Variants in AKR1B10 observed in about 807,000 individuals in gnomAD.
AKR1B10 encodes the protein ARP.
AKR1B10 carries 39 observed loss-of-function variants against 38.9 expected under a neutral mutation model. The observed-to-expected ratio is 1.00, with a 90% CI of 0.78 to 1.31. The LOEUF (loss-of-function observed/expected upper bound fraction) is 1.31. Among genes scored for constraint, AKR1B10 ranks in the 50% most tolerant of loss-of-function variants. AKR1B10 has a pLI of 0.00. For missense variants in AKR1B10, 361 were observed against 382.6 expected (o/e 0.94, Z 0.47); for synonymous variants, 148 against 141.2 (o/e 1.05, Z -0.34).
rs191221303 is a variant in AKR1B10 at position 134,529,590 on chromosome 7, G to A, written c.67-1053G>A. ...GCTTCTGGGTGCCTGGCAGCAGCTC[G>A]TTTCTTGTCCAGGTGGTAGGGTAGC... is the stretch of plus-strand genomic sequence containing the variant. On this transcript the variant is annotated intron_variant, in intron 1 of 9. Coordinates refer to ENST00000359579, the MANE Select transcript of AKR1B10 (RefSeq NM_020299.5). Among the ~76,000 whole-genome samples the A allele has an allele frequency of 8.7e-4, 133 of 152,222 alleles. 1 individual carries two copies. The highest frequency in any genetic ancestry group is 6.3e-3 in the Admixed American group (96 of 15,298).
At position 134,541,171 on chromosome 7, in the gene AKR1B10, G is replaced by C. The variant is rs1808141610; in HGVS notation, c.*82G>C. The C allele has an allele frequency of 2.7e-6, 3 of 1,100,920 alleles. No homozygotes were observed. Among genetic ancestry groups the C allele is most frequent in the Admixed American group, 2.2e-5 (1 of 44,984 alleles). The allele number at this position is 1,100,920 out of a possible 1,614,324, so 68.2% of individuals were successfully genotyped here. A position where few individuals can be genotyped will look rare whatever the true frequency, so the allele number is the denominator to read the frequency against. On this transcript the variant is annotated 3_prime_UTR_variant, in exon 10 of 10. Transcript: ENST00000359579. ...CTACCTCCACTCATGTCCCATTTTA[G>C]CCAAGCTTATTTAAGATCACAGTGA...
intron 9 of AKR1B10, among the ~76,000 whole-genome samples, chr7:134,540,694 T>A (rs3778829): frequency 3.3e-5 from 5 of 151,932 alleles, no homozygotes; most frequent in Non-Finnish European, 7.4e-5. Flanking sequence ...CATTTAATAC[T>A]CAGAACAATC....
Position 134,537,576 on chromosome 7 carries a change from C to T in AKR1B10, c.660-4C>T, listed in dbSNP as rs112796521. On this transcript the variant is annotated splice_polypyrimidine_tract_variant and splice_region_variant and intron_variant, in intron 6 of 9. Transcript: ENST00000359579. The stretch of plus-strand genomic sequence containing the variant: ...TATTCACATCAGCATCTTTCTGCCC[C>T]TAGGGCCAAGCCAGAAGACCCTTCC... 6.2e-7 allele frequency: 1 copy of T among 1,613,626 alleles called. No individual in the cohort carries two copies. Among genetic ancestry groups the T allele is most frequent in the South Asian group, 1.1e-5 (1 of 91,046 alleles).
chr7:134,531,068 C>T (rs1445830837), intron 2 of AKR1B10, among the ~76,000 whole-genome samples: 2 of 152,182 alleles, frequency 1.3e-5, no homozygotes, highest in Admixed American at 1.3e-4. Context: ...TGCCCTGGGC[C>T]TCCCTGTTCC....
At position 134,541,117 on chromosome 7, in the gene AKR1B10, G is replaced by A. The variant is rs1208487209; in HGVS notation, c.*28G>A. 5 of 1,516,730 alleles carry A rather than the reference G, an allele frequency of 3.3e-6. No homozygotes were observed. The Admixed American group carries it at 8.5e-5, about 26-fold the overall frequency. 94.0% of individuals were successfully genotyped at this position (1,516,730 alleles called of 1,614,324 possible). On this transcript the variant is annotated 3_prime_UTR_variant, in exon 10 of 10. Coordinates refer to ENST00000359579, the MANE Select transcript of AKR1B10 (RefSeq NM_020299.5). ...TTGAATCTCCTGGTGAGATTATACA[G>A]GAGATTCTCTTTCTTCGCTGAAGTG...
At chr7:134,531,094 A>G (rs2117538463) in intron 2 of AKR1B10, among the ~76,000 whole-genome samples, 1 of 152,248 alleles carries the variant, frequency 6.6e-6, no homozygotes, top group South Asian at 2.1e-4. Flanking sequence ...AGAGGGATCT[A>G]CCATCTGCCC....
rs550200808 is a variant in AKR1B10 at position 134,537,534 on chromosome 7, A to T, written c.660-46A>T. The T allele has an allele frequency of 5.7e-6, 9 of 1,591,780 alleles. No individual in the cohort carries two copies. The Admixed American group carries it at 1.0e-4, about 18-fold the overall frequency. ...TCATTGGAGTGGTGTCCTTCTGTAC[A>T]TGGTAGCCATGGTGATTATTCACAT... On this transcript the variant is annotated intron_variant, in intron 6 of 9. Transcript: ENST00000359579.
chr7:134,530,948 A>C lies in AKR1B10; in HGVS notation c.234+138A>C, dbSNP rs903670622. 58 of 1,216,752 alleles carry C rather than the reference A, an allele frequency of 4.8e-5. 1 individual carries two copies. The African/African-American group carries it at 7.7e-4, about 16-fold the overall frequency. The allele number at this position is 1,216,752 out of a possible 1,614,324, so 75.4% of individuals were successfully genotyped here. On this transcript the variant is annotated intron_variant, in intron 2 of 9. Coordinates refer to ENST00000359579, the MANE Select transcript of AKR1B10 (RefSeq NM_020299.5). ...CTGCCTTGATAACATCCGTGAATAC[A>C]ACACTATCCATACTCCAAGCCATTA...
At chr7:134,532,116 G>A in intron 3 of AKR1B10, 92 bp downstream of exon 3, 1 of 1,467,772 alleles carries the variant, frequency 6.8e-7, no homozygotes. Context: ...GTGGACTGGG[G>A]CAGGAGGCCT....
rs141397921 is a variant in AKR1B10, at chr7:134,536,930, G to A, written c.553-121G>A. The A allele has an allele frequency of 1.0e-3, 1,646 of 1,581,748 alleles. 26 individuals carry two copies. In the African/African-American group the frequency reaches 0.021, roughly 20 times the overall value. On this transcript the variant is annotated intron_variant, in intron 5 of 9. Coordinates refer to ENST00000359579, the MANE Select transcript of AKR1B10 (RefSeq NM_020299.5). ...GCTGATCTCACGGGTGATTTAGCAA[G>A]TATCTCAGTGGGCAGGTGTTTGGCC... is the stretch of plus-strand genomic sequence containing the variant.
At position 134,527,724 on chromosome 7, in the gene AKR1B10, T is replaced by TA; in HGVS notation, c.-186dup. On this transcript the variant is annotated 5_prime_UTR_variant, in exon 1 of 10. Coordinates refer to ENST00000359579, the MANE Select transcript of AKR1B10 (RefSeq NM_020299.5). ...AGCTGGGAGTCACGGTGGGCGCCTG[T>TA]AATCCCAGCTACTCGGGAGGCTGAG... The TA allele has an allele frequency of 2.0e-6, 1 of 499,804 alleles. No homozygotes were observed. The highest frequency in any genetic ancestry group is 3.3e-6 in the Non-Finnish European group (1 of 307,390). The allele number at this position is 499,804 out of a possible 1,614,324, so 31.0% of individuals were successfully genotyped here. A position where few individuals can be genotyped will look rare whatever the true frequency, so the allele number is the denominator to read the frequency against.
intron 9 of AKR1B10, among the ~76,000 whole-genome samples, chr7:134,540,063 C>T (rs182362066): frequency 1.3e-3 from 195 of 151,840 alleles, no homozygotes; most frequent in Non-Finnish European, 2.0e-3. Context: ...CCGTCTCTAC[C>T]AAAAATTAGC....
chr7:134,539,176 G>C (rs866340698), intron 9 of AKR1B10, 159 bp downstream of exon 9: 3 of 747,884 alleles, frequency 4.0e-6, no homozygotes, highest in Non-Finnish European at 6.6e-6. Flanking sequence ...GGGAATCACT[G>C]TGAGGGACAC....
intron 2 of AKR1B10, 57 bp downstream of exon 2, chr7:134,530,867 G>T (rs1363703680): frequency 6.4e-6 from 10 of 1,555,660 alleles, no homozygotes; most frequent in African/African-American, 1.4e-5. Flanking sequence ...AAGTATCTGG[G>T]TCGGGTTGGC....
intron 1 of AKR1B10, among the ~76,000 whole-genome samples, chr7:134,528,610 G>C (rs1045495532): frequency 7.2e-5 from 11 of 152,166 alleles, no homozygotes; most frequent in Admixed American, 6.5e-4. Context: ...TGTAGTCCCA[G>C]CCACTTGGGA....
intron 4 of AKR1B10, among the ~76,000 whole-genome samples, chr7:134,535,101 G>A (rs916569116): frequency 3.3e-5 from 5 of 152,010 alleles, no homozygotes; most frequent in African/African-American, 9.7e-5. Context: ...ATCCTCCCAA[G>A]TAGCTGGAAT....
chr7:134,532,005 A>G lies in AKR1B10; in HGVS notation c.332A>G (p.His111Arg), dbSNP rs138234669. ...KLSYLDVYLI[H>R]WPQGFKSGDD... ...AGCTATCTGGACGTCTATCTTATTC[A>G]CTGGCCACAGGGATTCAAGGTTTAA... The change falls in exon 3 of 10, where the codon CAC becomes CGC. Residue 111 changes from histidine (H) to arginine (R), a missense_variant. Physicochemically the swap from His to Arg is conservative, Grantham distance 29. Transcript: ENST00000359579. 1,156 of 1,613,956 alleles carry G rather than the reference A, an allele frequency of 7.2e-4. 3 individuals carry two copies. Among genetic ancestry groups the G allele is most frequent in the Non-Finnish European group, 9.2e-4 (1,088 of 1,179,968 alleles).
intron 9 of AKR1B10, among the ~76,000 whole-genome samples, chr7:134,540,504 C>T (rs545857948): frequency 8.4e-4 from 128 of 152,266 alleles, no homozygotes; most frequent in Middle Eastern, 6.8e-3. Flanking sequence ...ATCCACCTGG[C>T]CTCAAATCCA....
At chr7:134,528,739 A>T (rs2701022) in intron 1 of AKR1B10, among the ~76,000 whole-genome samples, 3 of 139,096 alleles carry the variant, frequency 2.2e-5, no homozygotes, top group Non-Finnish European at 4.5e-5. Context: ...GAAAGAGAGA[A>T]AGAGAGAGAG....
Sources: allele counts gnomAD v4.1 joint callset (sites outside exome capture counted in the v4.1 genomes callset), GRCh38; gene constraint gnomAD v4.1.1; transcripts MANE v1.5; gene names NCBI Gene and HGNC (gene_info 2026-07-23, HGNC 2026-07-21).